Variants in SLC35D4 observed in about 807,000 individuals in gnomAD.
SLC35D4 encodes solute carrier family 35 member D4.
At chr18:23,425,101 A>AT in the SLC35D4 span, among the ~76,000 whole-genome samples, 1 of 152,102 alleles carries the variant, frequency 6.6e-6, no homozygotes, top group African/African-American at 2.4e-5. Flanking sequence ...TGACTTTATT[A>AT]TTTTTTATCT....
the SLC35D4 span, among the ~76,000 whole-genome samples, chr18:23,287,277 T>C: frequency 0.036 from 5,492 of 151,928 alleles, 120 homozygotes; most frequent in African/African-American, 0.07. Flanking sequence ...CCCTCCACAA[T>C]CCATTATTCT....
the SLC35D4 span, among the ~76,000 whole-genome samples, chr18:23,269,358 C>A: frequency 6.6e-6 from 1 of 152,222 alleles, no homozygotes; most frequent in East Asian, 1.9e-4. Flanking sequence ...ATGTGAAGAA[C>A]GTGTTTGCTT....
the SLC35D4 span, chr18:23,421,476 T>G: frequency 6.2e-7 from 1 of 1,607,542 alleles, no homozygotes; most frequent in Non-Finnish European, 8.5e-7. Flanking sequence ...GTGAATTTCA[T>G]AGAGTGCTAC....
the SLC35D4 span, among the ~76,000 whole-genome samples, chr18:23,337,249 G>A: frequency 9.9e-5 from 15 of 152,122 alleles, no homozygotes; most frequent in Middle Eastern, 3.4e-3. Flanking sequence ...CGAGGCAGGC[G>A]GATCACAAGG....
the SLC35D4 span, among the ~76,000 whole-genome samples, chr18:23,424,371 C>G: frequency 6.6e-6 from 1 of 152,328 alleles, no homozygotes; most frequent in East Asian, 1.9e-4. Context: ...CCCCAGGCAT[C>G]TGCAGAATAC....
chr18:23,319,669 C>T, the SLC35D4 span, among the ~76,000 whole-genome samples: 8 of 152,162 alleles, frequency 5.3e-5, no homozygotes, highest in Admixed American at 2.6e-4. Flanking sequence ...AAACTCCTGA[C>T]CTCAGGTGAT....
chr18:23,391,045 G>C, the SLC35D4 span, among the ~76,000 whole-genome samples: 4,057 of 152,028 alleles, frequency 0.027, 61 homozygotes, highest in Middle Eastern at 0.061. Flanking sequence ...GGCCAACATG[G>C]TGAAACCCCG....
chr18:23,319,973 C>A, the SLC35D4 span, among the ~76,000 whole-genome samples: 1 of 152,064 alleles, frequency 6.6e-6, no homozygotes, highest in Non-Finnish European at 1.5e-5. Flanking sequence ...GTAGGATATA[C>A]CTAAGTATGG....
chr18:23,350,393 G>T, the SLC35D4 span, among the ~76,000 whole-genome samples: 2 of 152,124 alleles, frequency 1.3e-5, no homozygotes, highest in African/African-American at 4.8e-5. Flanking sequence ...CTCTGTGTGC[G>T]GGCTGGGAGA....
the SLC35D4 span, among the ~76,000 whole-genome samples, chr18:23,305,419 A>C: frequency 1.3e-4 from 20 of 152,350 alleles, no homozygotes; most frequent in African/African-American, 4.8e-4. Context: ...GGCTTTGTAC[A>C]CACAGACCTG....
At chr18:23,309,739 G>A in the SLC35D4 span, 3 of 1,614,050 alleles carry the variant, frequency 1.9e-6, no homozygotes, top group East Asian at 2.2e-5. Flanking sequence ...AGCCAGCTGT[G>A]ATTATCTGTA....
At chr18:23,299,864 G>A in the SLC35D4 span, among the ~76,000 whole-genome samples, 13 of 152,156 alleles carry the variant, frequency 8.5e-5, no homozygotes, top group Admixed American at 2.0e-4. Flanking sequence ...CTCCAAGTTG[G>A]GATGTACTTT....
the SLC35D4 span, among the ~76,000 whole-genome samples, chr18:23,388,158 C>T: frequency 7.2e-5 from 11 of 152,172 alleles, no homozygotes; most frequent in South Asian, 2.1e-4. Flanking sequence ...CTTTAGACTT[C>T]GACAAGGCTT....
At chr18:23,273,609 T>C in the SLC35D4 span, among the ~76,000 whole-genome samples, 1 of 98,046 alleles carries the variant, frequency 1.0e-5, no homozygotes, top group Non-Finnish European at 2.2e-5. Context: ...TGTGACTTCC[T>C]GAATGAATGA....
chr18:23,436,582 CA>C, the SLC35D4 span, among the ~76,000 whole-genome samples: 1 of 152,032 alleles, frequency 6.6e-6, no homozygotes, highest in Non-Finnish European at 1.5e-5. Flanking sequence ...CACCTGAGGT[CA>C]GGAGTTCGAG....
the SLC35D4 span, chr18:23,258,744 C>A: frequency 6.6e-6 from 1 of 152,186 alleles, no homozygotes; most frequent in African/African-American, 2.4e-5. Context: ...CTAGTGAGGT[C>A]ACAGATTCGG....
At chr18:23,389,770 C>T in the SLC35D4 span, among the ~76,000 whole-genome samples, 1 of 152,148 alleles carries the variant, frequency 6.6e-6, no homozygotes, top group African/African-American at 2.4e-5. Context: ...AACTCCTGAC[C>T]TCAGGTAATT....
chr18:23,287,839 G>C, the SLC35D4 span, among the ~76,000 whole-genome samples: 2 of 152,146 alleles, frequency 1.3e-5, no homozygotes, highest in Non-Finnish European at 2.9e-5. Flanking sequence ...GACCGGGGTC[G>C]CGTCCTGTAG....
At chr18:23,257,408 T>A in the SLC35D4 span, 1 of 1,546,226 alleles carries the variant, frequency 6.5e-7, no homozygotes. Flanking sequence ...TCTTCTCAGC[T>A]TGGTGGAGCA....
Sources: gnomAD v4.1 joint callset for allele counts (sites outside exome capture counted in the v4.1 genomes callset) on GRCh38, gnomAD v4.1.1 for gene constraint, MANE v1.5 for transcripts, NCBI Gene and HGNC (gene_info 2026-07-23, HGNC 2026-07-21) for gene names.